Variants in EXOC4 observed in about 807,000 individuals in gnomAD.
EXOC4 encodes the protein exocyst complex component 4, also known as SEC8-like 1.
In EXOC4, 71 loss-of-function variants were observed where a neutral mutation model predicts 107.2. That is an observed-to-expected ratio of 0.66 (90% CI 0.55 to 0.81). The LOEUF (loss-of-function observed/expected upper bound fraction) is 0.81, where lower values mean the gene tolerates loss of function less well. Ranked by LOEUF, EXOC4 falls within the 30% of genes least tolerant of loss-of-function variation. The pLI, the probability that EXOC4 is intolerant of heterozygous loss-of-function variation, is 0.00. For synonymous variants in EXOC4, 456 were observed against 441.2 expected (o/e 1.03, Z -0.42); for missense variants, 1,108 against 1,189.6 (o/e 0.93, Z 1.01).
At chr7:133,926,059 A>AAAAG (rs1800044997) in intron 13 of EXOC4, among the ~76,000 whole-genome samples, 2 of 150,864 alleles carry the variant, frequency 1.3e-5, no homozygotes, top group African/African-American at 2.5e-5. Context: ...AAAAAAAAAA[A>AAAAG]AAGAAGAAAA....
intron 14 of EXOC4, among the ~76,000 whole-genome samples, chr7:133,938,482 C>G (rs1008755097): frequency 5.3e-5 from 8 of 152,098 alleles, no homozygotes; most frequent in African/African-American, 1.9e-4. Context: ...TGACATAAAG[C>G]TAATCTTTTT....
chr7:133,797,842 A>G (rs1031614769), intron 10 of EXOC4, among the ~76,000 whole-genome samples: 13 of 152,246 alleles, frequency 8.5e-5, no homozygotes, highest in Admixed American at 3.9e-4. Flanking sequence ...GGTTCTAGGT[A>G]TACAGCTATG....
chr7:133,407,705 A>G (rs971131535), intron 7 of EXOC4, among the ~76,000 whole-genome samples: 1 of 152,226 alleles, frequency 6.6e-6, no homozygotes, highest in South Asian at 2.1e-4. Flanking sequence ...GCTGATAATA[A>G]ATACCAATAT....
intron 9 of EXOC4, among the ~76,000 whole-genome samples, chr7:133,550,245 A>G (rs1416276562): frequency 2.6e-5 from 4 of 152,092 alleles, no homozygotes; most frequent in African/African-American, 9.7e-5. Context: ...TACTAATGTG[A>G]CCCCAGAATC....
chr7:133,835,747 G>A (rs1797905678), intron 11 of EXOC4, among the ~76,000 whole-genome samples: 1 of 152,176 alleles, frequency 6.6e-6, no homozygotes, highest in South Asian at 2.1e-4. Context: ...AAGTGCATTA[G>A]TTAAATATTT....
rs764890539 is a variant in EXOC4, at chr7:133,909,919, A to ATTT, written c.1872-7642_1872-7640dup. On this transcript the variant is annotated intron_variant, in intron 12 of 17. Coordinates refer to ENST00000253861, the MANE Select transcript of EXOC4 (RefSeq NM_021807.4). ...ATCTGAACATTGACGGTTGAGACAG[A>ATTT]TTTTTTTTTTTTTTTTTTTTTTTTG... is the stretch of plus-strand genomic sequence containing the variant. Among the ~76,000 whole-genome samples, 550 of 75,458 alleles carry ATTT rather than the reference A, an allele frequency of 7.3e-3. 5 individuals carry two copies. Among genetic ancestry groups the ATTT allele is most frequent in the African/African-American group, 0.015 (259 of 17,644 alleles). The allele number at this position is 75,458 out of a possible 152,430, so 49.5% of individuals were successfully genotyped here.
At chr7:133,362,226 G>C (rs924891969) in intron 6 of EXOC4, among the ~76,000 whole-genome samples, 1 of 152,050 alleles carries the variant, frequency 6.6e-6, no homozygotes, top group Non-Finnish European at 1.5e-5. Flanking sequence ...CACTTTTCTA[G>C]TACTTATATA....
intron 14 of EXOC4, among the ~76,000 whole-genome samples, chr7:133,977,730 TTGTTGTTTTGTGTG>T (rs1409454360): frequency 1.6e-5 from 1 of 63,396 alleles, no homozygotes; most frequent in African/African-American, 1.0e-4. Context: ...TGAGTTGGTT[TTGTTGTTTTGTGTG>T]TGTGTGTGTG....
chr7:133,862,976 A>G (rs1269584796), intron 11 of EXOC4, among the ~76,000 whole-genome samples: 2 of 152,212 alleles, frequency 1.3e-5, no homozygotes, highest in African/African-American at 4.8e-5. Flanking sequence ...TAGGGTTCAT[A>G]TGTAAGTGTA....
chr7:133,970,451 C>T (rs1801179669), intron 14 of EXOC4, among the ~76,000 whole-genome samples: 1 of 5,996 alleles, frequency 1.7e-4, no homozygotes, highest in East Asian at 4.9e-3. Context: ...CAGTTTTGTG[C>T]TTGAAACCCA....
At chr7:133,638,342 C>T (rs1383931612) in intron 10 of EXOC4, among the ~76,000 whole-genome samples, 1 of 152,150 alleles carries the variant, frequency 6.6e-6, no homozygotes, top group Non-Finnish European at 1.5e-5. Context: ...ATTTCCAGGT[C>T]TACATTCTTT....
chr7:134,005,806 A>G (rs903150788), intron 16 of EXOC4, among the ~76,000 whole-genome samples: 2 of 152,222 alleles, frequency 1.3e-5, no homozygotes, highest in Non-Finnish European at 2.9e-5. Flanking sequence ...ATTTAAAACA[A>G]CTAAGAAGGT....
At chr7:133,362,711 A>G (rs1796161581) in intron 6 of EXOC4, among the ~76,000 whole-genome samples, 1 of 152,226 alleles carries the variant, frequency 6.6e-6, no homozygotes, top group African/African-American at 2.4e-5. Flanking sequence ...GTTTTATAGT[A>G]TGAATACAAT....
chr7:133,510,884 T>TG (rs1799755638), intron 9 of EXOC4, among the ~76,000 whole-genome samples: 1 of 152,210 alleles, frequency 6.6e-6, no homozygotes, highest in Non-Finnish European at 1.5e-5. Flanking sequence ...ATTGCTCATA[T>TG]GGTTTGGCAA....
chr7:133,496,449 G>C (rs1009723432), intron 9 of EXOC4, among the ~76,000 whole-genome samples: 1 of 152,126 alleles, frequency 6.6e-6, no homozygotes, highest in Admixed American at 6.6e-5. Flanking sequence ...TTATAGGCTT[G>C]AGCCACTGCA....
intron 9 of EXOC4, among the ~76,000 whole-genome samples, chr7:133,618,729 T>G (rs563400872): frequency 6.6e-6 from 1 of 152,190 alleles, no homozygotes; most frequent in Non-Finnish European, 1.5e-5. Context: ...GTTATCAATA[T>G]AGTACTCCAT....
rs578054227 is a variant in EXOC4, at chr7:133,384,088, A to G, written c.1182+9086A>G. Among the ~76,000 whole-genome samples, 5 of 152,332 alleles carry G rather than the reference A, an allele frequency of 3.3e-5. No individual in the cohort carries two copies. In the South Asian group the frequency reaches 1.0e-3, roughly 32 times the overall value. ...TTCAAGCAGGAACTGATGAGCAGCC[A>G]GGGAGATTCCTCTGGCTTCTAGTAC... On this transcript the variant is annotated intron_variant, in intron 7 of 17. Coordinates refer to ENST00000253861, the MANE Select transcript of EXOC4 (RefSeq NM_021807.4).
intron 17 of EXOC4, among the ~76,000 whole-genome samples, chr7:134,014,848 T>C (rs1244994229): frequency 1.3e-5 from 2 of 152,150 alleles, no homozygotes; most frequent in Non-Finnish European, 2.9e-5. Context: ...TCATTCATCA[T>C]AGGAAATGAG....
chr7:133,268,884 T>C (rs1793799326), intron 1 of EXOC4, among the ~76,000 whole-genome samples: 3 of 152,244 alleles, frequency 2.0e-5, no homozygotes, highest in South Asian at 2.1e-4. Context: ...TAATTCATCA[T>C]GCAAAATATC....
Sources: gnomAD v4.1 joint callset for allele counts (sites outside exome capture counted in the v4.1 genomes callset) on GRCh38, gnomAD v4.1.1 for gene constraint, MANE v1.5 for transcripts, NCBI Gene and HGNC (gene_info 2026-07-23, HGNC 2026-07-21) for gene names.